Variants in CDK19 observed in about 807,000 individuals in gnomAD.
The protein encoded by CDK19 is cyclin-dependent kinase 19.
CDK19 carries 20 observed loss-of-function variants against 68.3 expected under a neutral mutation model. The ratio of observed to expected loss-of-function variants is 0.29; its 90% CI spans 0.21 to 0.43. CDK19 has a LOEUF of 0.43. CDK19 is among the 20% of genes least tolerant of loss of function. The pLI, the probability that CDK19 is intolerant of heterozygous loss-of-function variation, is 1.00. For synonymous variants in CDK19, 221 were observed against 222.8 expected (o/e 0.99, Z 0.07); for missense variants, 339 against 623.5 (o/e 0.54, Z 4.86).
intron 4 of CDK19, among the ~76,000 whole-genome samples, chr6:110,649,602 T>C (rs1780842301): frequency 6.6e-6 from 1 of 152,046 alleles, no homozygotes; most frequent in Admixed American, 6.5e-5. Context: ...GCAACACATA[T>C]AAGCAACAAA....
intron 2 of CDK19, among the ~76,000 whole-genome samples, chr6:110,701,597 C>T (rs1271597613): frequency 1.3e-5 from 2 of 151,488 alleles, no homozygotes; most frequent in African/African-American, 2.4e-5. Flanking sequence ...GTCCAATGCG[C>T]AGAGAATACG....
At position 110,659,720 on chromosome 6, in the gene CDK19, G is replaced by C. The variant is rs74520588; in HGVS notation, c.456+7714C>G. 3.7e-4 allele frequency among the ~76,000 whole-genome samples: 56 copies of C among 152,228 alleles called. 1 individual carries two copies. The East Asian group carries it at 0.011, about 29-fold the overall frequency. On this transcript the variant is annotated intron_variant, in intron 4 of 12. Transcript: ENST00000368911. ...TAAATCTGTGGTTCGACAGCAGGGAGGGGAAGAAGAGAAGGGGAGAGGAGA... is the reference window on the plus strand; with the variant it reads ...TAAATCTGTGGTTCGACAGCAGGGACGGGAAGAAGAGAAGGGGAGAGGAGA...
intron 1 of CDK19, among the ~76,000 whole-genome samples, chr6:110,806,459 C>T (rs1373164278): frequency 2.0e-5 from 3 of 152,226 alleles, no homozygotes; most frequent in Non-Finnish European, 2.9e-5. Flanking sequence ...TAAACCATTC[C>T]AAGCCATTAC....
intron 1 of CDK19, chr6:110,814,806 G>C: frequency 2.8e-6 from 2 of 705,306 alleles, no homozygotes; most frequent in South Asian, 3.1e-5. Flanking sequence ...CTGCGCCGCG[G>C]GAGTTCGAGG....
intron 2 of CDK19, among the ~76,000 whole-genome samples, chr6:110,702,949 T>C (rs555611158): frequency 2.9e-4 from 44 of 152,352 alleles, no homozygotes; most frequent in African/African-American, 1.0e-3. Context: ...TTTGAATTCT[T>C]ATTATGCATA....
At chr6:110,671,083 T>C (rs1770972307) in intron 2 of CDK19, among the ~76,000 whole-genome samples, 1 of 152,074 alleles carries the variant, frequency 6.6e-6, no homozygotes, top group Non-Finnish European at 1.5e-5. Context: ...GGGTTTTTTT[T>C]TGAAGAGTAG....
intron 2 of CDK19, among the ~76,000 whole-genome samples, chr6:110,742,511 C>T (rs193027478): frequency 2.6e-5 from 4 of 152,168 alleles, no homozygotes; most frequent in South Asian, 4.1e-4. Flanking sequence ...CCTGCGGGGT[C>T]AGGCAGAATA....
At chr6:110,679,551 GC>G (rs1395476028) in intron 2 of CDK19, among the ~76,000 whole-genome samples, 2 of 152,142 alleles carry the variant, frequency 1.3e-5, no homozygotes, top group Admixed American at 6.5e-5. Context: ...GGCGGAGGTT[GC>G]AGTGAGCCAA....
intron 1 of CDK19, among the ~76,000 whole-genome samples, chr6:110,775,123 T>C (rs534152035): frequency 9.9e-5 from 15 of 152,072 alleles, no homozygotes; most frequent in African/African-American, 3.6e-4. Context: ...CATGCGCCTG[T>C]AGTCCCAGCT....
intron 1 of CDK19, among the ~76,000 whole-genome samples, chr6:110,749,240 T>C (rs1396255071): frequency 1.3e-5 from 2 of 152,210 alleles, no homozygotes; most frequent in Admixed American, 6.5e-5. Context: ...GTCTATAACA[T>C]GTAGCAACAC....
At chr6:110,806,694 T>C (rs564285555) in intron 1 of CDK19, among the ~76,000 whole-genome samples, 1 of 152,132 alleles carries the variant, frequency 6.6e-6, no homozygotes, top group Non-Finnish European at 1.5e-5. Flanking sequence ...ATTTAAAATA[T>C]GGGCCAAGCA....
chr6:110,722,140 T>C (rs1312130891), intron 2 of CDK19: 1 of 152,254 alleles, frequency 6.6e-6, no homozygotes, highest in East Asian at 1.9e-4. Flanking sequence ...AACTGTTTTA[T>C]ACAGTCTTCA....
intron 2 of CDK19, among the ~76,000 whole-genome samples, chr6:110,709,650 G>A (rs1408179422): frequency 6.6e-6 from 1 of 151,946 alleles, no homozygotes; most frequent in Non-Finnish European, 1.5e-5. Context: ...ATTTCTTTGA[G>A]GTAGAAAGGA....
At chr6:110,785,900 A>T (rs1781181484) in intron 1 of CDK19, among the ~76,000 whole-genome samples, 1 of 151,930 alleles carries the variant, frequency 6.6e-6, no homozygotes, top group Non-Finnish European at 1.5e-5. Context: ...GAATCGCTTG[A>T]ACCGGGGAGG....
At chr6:110,771,231 C>T (rs889546918) in intron 1 of CDK19, among the ~76,000 whole-genome samples, 1 of 152,250 alleles carries the variant, frequency 6.6e-6, no homozygotes, top group East Asian at 1.9e-4. Context: ...GAGGGCCTCG[C>T]CCCTGCAGCA....
At chr6:110,732,678 T>G (rs190451029) in intron 2 of CDK19, among the ~76,000 whole-genome samples, 80 of 152,328 alleles carry the variant, frequency 5.3e-4, no homozygotes, top group African/African-American at 1.6e-3. Flanking sequence ...TATTTTATTG[T>G]GGCACAATTT....
In CDK19 at chr6:110,614,408, G is replaced by A; in HGVS notation, c.*127C>T. ...GTCCTGCACAATGCTCAGTATATAA[G>A]GTTTTCCTCCCATGTGTATGAGTTT... On this transcript the variant is annotated 3_prime_UTR_variant, in exon 13 of 13. Coordinates refer to ENST00000368911, the MANE Select transcript of CDK19 (RefSeq NM_015076.5). 1.3e-6 allele frequency: 1 copy of A among 790,150 alleles called. No individual in the cohort carries two copies. The highest frequency in any genetic ancestry group is 2.0e-6 in the Non-Finnish European group (1 of 502,088). The allele number at this position is 790,150 out of a possible 1,614,324, so 48.9% of individuals were successfully genotyped here.
chr6:110,647,554 T>C (rs539770770), intron 4 of CDK19, among the ~76,000 whole-genome samples: 27 of 152,286 alleles, frequency 1.8e-4, no homozygotes, highest in Non-Finnish European at 5.9e-5. Context: ...TATCTATTAA[T>C]TTGAAAATGT....
chr6:110,684,656 C>A (rs1471757064), intron 2 of CDK19, among the ~76,000 whole-genome samples: 1 of 152,132 alleles, frequency 6.6e-6, no homozygotes, highest in Non-Finnish European at 1.5e-5. Context: ...CAATCTCTAG[C>A]CCTAATGTCA....
Sources: gnomAD v4.1 joint callset for allele counts (sites outside exome capture counted in the v4.1 genomes callset) on GRCh38, gnomAD v4.1.1 for gene constraint, MANE v1.5 for transcripts, NCBI Gene and HGNC (gene_info 2026-07-23, HGNC 2026-07-21) for gene names.